CLIP1: variants seen among roughly 807,000 people sequenced by gnomAD.
CLIP1 encodes CAP-Gly domain-containing linker protein 1.
In CLIP1, 66 loss-of-function variants were observed where a neutral mutation model predicts 161.6. The observed-to-expected ratio is 0.41, with a 90% CI of 0.33 to 0.50. The LOEUF (loss-of-function observed/expected upper bound fraction) is 0.50. Among genes scored for constraint, CLIP1 ranks in the 20% least tolerant of loss-of-function variants. The pLI is 0.27. For missense variants in CLIP1, 1,376 were observed against 1,702.0 expected (o/e 0.81, Z 3.37); for synonymous variants, 598 against 626.2 (o/e 0.96, Z 0.67).
At chr12:122,392,549 G>A (rs1291384142) in intron 1 of CLIP1, among the ~76,000 whole-genome samples, 2 of 152,022 alleles carry the variant, frequency 1.3e-5, no homozygotes, top group Admixed American at 1.3e-4. Flanking sequence ...AGTTAGTGCT[G>A]TACAACACTT....
At chr12:122,350,539 G>T (rs1387339846) in intron 9 of CLIP1, among the ~76,000 whole-genome samples, 1 of 152,060 alleles carries the variant, frequency 6.6e-6, no homozygotes, top group Non-Finnish European at 1.5e-5. Context: ...TGCAACTAAG[G>T]AAAATATTGT....
intron 2 of CLIP1, among the ~76,000 whole-genome samples, chr12:122,379,189 T>C (rs1954885968): frequency 6.6e-6 from 1 of 151,512 alleles, no homozygotes; most frequent in South Asian, 2.1e-4. Flanking sequence ...GTGCCATTAA[T>C]CCCAGCTACT....
chr12:122,280,277 TTGGTCACCAGGC>T (rs915017009), intron 21 of CLIP1: 2 of 152,196 alleles, frequency 1.3e-5, no homozygotes, highest in Non-Finnish European at 2.9e-5. Flanking sequence ...TTTCACCATG[TTGGTCACCAGGC>T]TGGTCTCAAA....
At position 122,341,660 on chromosome 12, in the gene CLIP1, A is replaced by G. The variant is rs1467798293; in HGVS notation, c.1544T>C (p.Leu515Pro). The G allele has an allele frequency of 1.2e-6, 2 of 1,605,634 alleles. No individual in the cohort carries two copies. The change falls in exon 11 of 26, where the codon CTG (leucine) becomes CCG (proline). Residue 515 changes from leucine to proline, a missense_variant. By Grantham distance (98) the Leu-to-Pro change is moderately conservative. Coordinates refer to ENST00000620786, the MANE Select transcript of CLIP1 (RefSeq NM_001247997.2). The stretch of plus-strand genomic sequence containing the variant: ...TACTCTCAATGCTAGGTCTTTCTCC[A>G]GTTCCATTATACGTGACTTTTCTGA... The part of the protein sequence containing the change: ...TVSEKSRIME[L>P]EKDLALRVQE...
At chr12:122,302,203 C>A (rs565006808) in intron 20 of CLIP1, among the ~76,000 whole-genome samples, 1 of 152,136 alleles carries the variant, frequency 6.6e-6, no homozygotes, top group Non-Finnish European at 1.5e-5. Context: ...TGGGTTCAGG[C>A]GATTCTCCTG....
chr12:122,336,657 GTC>G lies in CLIP1; in HGVS notation c.2541_2542del (p.Glu847AspfsTer15). ...CAAAATCTGAAGTTCTTTTTCCAAA[GTC>G]TCTTTCACTTGACTGACTTCACTCA... On this transcript the variant is annotated frameshift_variant, in exon 12 of 26. Coordinates refer to ENST00000620786, the MANE Select transcript of CLIP1 (RefSeq NM_001247997.2). LOFTEE classifies it high-confidence loss of function. 6.2e-7 allele frequency: 1 copy of G among 1,606,146 alleles called. No individual in the cohort carries two copies. Among genetic ancestry groups the G allele is most frequent in the Non-Finnish European group, 8.5e-7 (1 of 1,173,890 alleles).
chr12:122,349,576 T>C (rs1322147195), intron 9 of CLIP1, among the ~76,000 whole-genome samples: 1 of 152,228 alleles, frequency 6.6e-6, no homozygotes, highest in African/African-American at 2.4e-5. Flanking sequence ...GAACTAGTGA[T>C]CCACTTCCAT....
intron 1 of CLIP1, chr12:122,400,056 C>T (rs1051849700): frequency 6.6e-6 from 1 of 152,192 alleles, no homozygotes; most frequent in Non-Finnish European, 1.5e-5. Flanking sequence ...TGCTGTGTCA[C>T]TTGCTGTCCC....
intron 20 of CLIP1, among the ~76,000 whole-genome samples, chr12:122,306,998 C>CTTTTTTTTTT (rs56949793): frequency 3.7e-5 from 3 of 81,000 alleles, no homozygotes; most frequent in Non-Finnish European, 6.6e-5. Flanking sequence ...GGTAAGTTCA[C>CTTTTTTTTTT]TTTTTTTTTT....
At chr12:122,405,246 C>T (rs1956285479) in intron 1 of CLIP1, among the ~76,000 whole-genome samples, 1 of 152,148 alleles carries the variant, frequency 6.6e-6, no homozygotes. Context: ...CTGTTGCCGT[C>T]ATTGCCTAGA....
intron 11 of CLIP1, among the ~76,000 whole-genome samples, chr12:122,340,167 T>C (rs1952431925): frequency 6.7e-6 from 1 of 150,292 alleles, no homozygotes; most frequent in Admixed American, 6.7e-5. Context: ...AACCTCCGCC[T>C]CCCGGGTTGT....
chr12:122,340,812 CA>C lies in CLIP1; in HGVS notation c.2391del (p.Glu798ArgfsTer10). The C allele has an allele frequency of 6.2e-7, 1 of 1,612,508 alleles. No individual in the cohort carries two copies. On this transcript the variant is annotated frameshift_variant, in exon 11 of 26. Coordinates refer to ENST00000620786, the MANE Select transcript of CLIP1 (RefSeq NM_001247997.2). LOFTEE classifies it high-confidence loss of function. The part of the protein sequence containing the change: ...KSEMKKLRQQ[L>X]EAAEKQIKHL... ...TGTTTAATCTGTTTCTCAGCTGCCTCAAGCTGCTGTCTAAGTTTCTTCATTT... is the reference window on the plus strand; with the variant it reads ...TGTTTAATCTGTTTCTCAGCTGCCTCAGCTGCTGTCTAAGTTTCTTCATTT...
At chr12:122,347,900 C>T (rs7961377) in intron 9 of CLIP1, among the ~76,000 whole-genome samples, 2,511 of 152,284 alleles carry the variant, frequency 0.016, 73 homozygotes, top group African/African-American at 0.052. Context: ...TCGATAACTT[C>T]ACAAGGTATA....
chr12:122,352,358 G>A (rs967169089), intron 8 of CLIP1, among the ~76,000 whole-genome samples: 22 of 152,098 alleles, frequency 1.4e-4, no homozygotes, highest in Non-Finnish European at 2.5e-4. Context: ...CACCCGGCCT[G>A]TTATGGACTA....
chr12:122,377,349 T>A (rs1954789700), intron 3 of CLIP1, 40 bp downstream of exon 3: 1 of 1,552,506 alleles, frequency 6.4e-7, no homozygotes, highest in Non-Finnish European at 8.8e-7. Context: ...TGTTTATATC[T>A]CAGTTCAATG....
chr12:122,409,875 T>TA (rs71082987), intron 1 of CLIP1, among the ~76,000 whole-genome samples: 2 of 54,702 alleles, frequency 3.7e-5, no homozygotes, highest in African/African-American at 6.8e-5. Flanking sequence ...GTTATTTTTA[T>TA]TTTTTTTTTT....
At chr12:122,417,436 A>C (rs997896181) in intron 1 of CLIP1, among the ~76,000 whole-genome samples, 3 of 151,988 alleles carry the variant, frequency 2.0e-5, no homozygotes, top group Admixed American at 1.3e-4. Flanking sequence ...ACTGCACTCC[A>C]GCCTGGTGAC....
Position 122,328,040 on chromosome 12 carries a change from C to T in CLIP1, c.3156G>A (p.Leu1052=), listed in dbSNP as rs747929911. The T allele has an allele frequency of 9.3e-6, 15 of 1,614,040 alleles. No individual in the cohort carries two copies. The highest frequency in any genetic ancestry group is 1.3e-5 in the African/African-American group (1 of 74,912). ...CGCCCTTCAGCTTGTCCTCTGTGTC[C>T]AGCAGCGTCTTCTGGAGGTTCTGTA... ...EILQNLQKTL[L]DTEDKLKGAR... Residue 1052 remains leucine (L), a synonymous_variant, in exon 17 of 26, where the codon CTG becomes CTA. Transcript: ENST00000620786.
intron 9 of CLIP1, among the ~76,000 whole-genome samples, chr12:122,349,898 T>C (rs574047572): frequency 1.4e-5 from 1 of 72,844 alleles, no homozygotes; most frequent in East Asian, 6.8e-4. Context: ...TTTTTTGTTT[T>C]TTTTGTTTTT....
Sources: gnomAD v4.1 joint callset for allele counts (sites outside exome capture counted in the v4.1 genomes callset) on GRCh38, gnomAD v4.1.1 for gene constraint, MANE v1.5 for transcripts, NCBI Gene and HGNC (gene_info 2026-07-23, HGNC 2026-07-21) for gene names.